Variants in CSMD1 observed in about 807,000 individuals in gnomAD.
CSMD1 encodes CUB and Sushi multiple domains 1.
Under a neutral mutation model 417.5 loss-of-function variants are expected in CSMD1, and 213 were observed. The observed-to-expected ratio is 0.51, with a 90% CI of 0.46 to 0.57. The LOEUF is 0.57. Ranked by LOEUF, CSMD1 falls within the 20% of genes least tolerant of loss-of-function variation. The pLI, the probability that CSMD1 is intolerant of heterozygous loss-of-function variation, is 0.00. For missense variants in CSMD1, 6,923 were observed against 4,529.7 expected (o/e 1.53, Z -15.17); for synonymous variants, 2,862 against 1,736.8 (o/e 1.65, Z -16.11).
At chr8:4,424,941 G>A (rs576069380) in intron 2 of CSMD1, among the ~76,000 whole-genome samples, 1 of 152,052 alleles carries the variant, frequency 6.6e-6, no homozygotes, top group Non-Finnish European at 1.5e-5. Context: ...GGTTGAGACT[G>A]AGAGGTACTC....
chr8:4,026,192 T>A (rs1470198861), intron 4 of CSMD1, among the ~76,000 whole-genome samples: 4 of 152,216 alleles, frequency 2.6e-5, no homozygotes, highest in African/African-American at 9.6e-5. Flanking sequence ...CATTTTTTCT[T>A]TATAATCTAG....
At chr8:3,671,047 G>GTATATGGGATATATATA (rs1231383963) in intron 7 of CSMD1, among the ~76,000 whole-genome samples, 1,631 of 121,204 alleles carry the variant, frequency 0.013, 60 homozygotes, top group African/African-American at 0.043. Context: ...GGATATATAT[G>GTATATGGGATATATATA]TATATAGGAT....
In CSMD1 at chr8:4,978,955, G is replaced by A. The variant is rs571777858; in HGVS notation, c.85+15377C>T. On this transcript the variant is annotated intron_variant, in intron 1 of 69. Transcript: ENST00000635120. Reference sequence around the variant, plus strand: ...GGAACAGTCAGCACAAAGACATTAGGATCTTTAGAAAAAATAACTCTGGAG... The same window carrying A: ...GGAACAGTCAGCACAAAGACATTAGAATCTTTAGAAAAAATAACTCTGGAG... Among the ~76,000 whole-genome samples, 3 of 152,222 alleles carry A rather than the reference G, an allele frequency of 2.0e-5. No homozygotes were observed. The South Asian group carries it at 6.2e-4, about 32-fold the overall frequency.
intron 5 of CSMD1, among the ~76,000 whole-genome samples, chr8:3,888,764 A>G (rs1806740371): frequency 1.3e-5 from 2 of 152,222 alleles, no homozygotes; most frequent in African/African-American, 4.8e-5. Context: ...GACCTTCCAA[A>G]TGGTCCTTCC....
At chr8:3,849,872 G>C (rs757392670) in intron 5 of CSMD1, among the ~76,000 whole-genome samples, 1 of 152,136 alleles carries the variant, frequency 6.6e-6, no homozygotes, top group Non-Finnish European at 1.5e-5. Flanking sequence ...CTGTAGTACA[G>C]TGGCGCAATC....
chr8:4,338,157 G>C (rs547472272), intron 3 of CSMD1, among the ~76,000 whole-genome samples: 7 of 152,222 alleles, frequency 4.6e-5, no homozygotes, highest in African/African-American at 1.7e-4. Flanking sequence ...CATGGTAGTA[G>C]AGAATTACAA....
chr8:4,417,129 T>C (rs1363765150), intron 3 of CSMD1, among the ~76,000 whole-genome samples: 3 of 152,178 alleles, frequency 2.0e-5, no homozygotes, highest in East Asian at 3.9e-4. Flanking sequence ...ATACACTTAA[T>C]TGCTGAGACT....
At chr8:3,248,759 C>T (rs1009344657) in intron 26 of CSMD1, among the ~76,000 whole-genome samples, 10 of 152,028 alleles carry the variant, frequency 6.6e-5, no homozygotes, top group African/African-American at 1.2e-4. Context: ...ATCTCTGGGC[C>T]TTTTGCAAAC....
At chr8:4,489,283 A>G (rs904154432) in intron 2 of CSMD1, among the ~76,000 whole-genome samples, 3 of 152,222 alleles carry the variant, frequency 2.0e-5, no homozygotes, top group Non-Finnish European at 4.4e-5. Flanking sequence ...GGAGCTGCAG[A>G]AAGTTCTGGG....
chr8:4,492,400 A>G (rs1278203910), intron 2 of CSMD1, among the ~76,000 whole-genome samples: 1 of 152,208 alleles, frequency 6.6e-6, no homozygotes, highest in Admixed American at 6.5e-5. Flanking sequence ...AATATCTGAC[A>G]TTCTGGAAAA....
rs939699256 is a variant in CSMD1, at chr8:4,292,429, T to C, written c.415+127524A>G. Among the ~76,000 whole-genome samples, 5 of 152,102 alleles carry C rather than the reference T, an allele frequency of 3.3e-5. No homozygotes were observed. The East Asian group carries it at 9.7e-4, about 29-fold the overall frequency. On this transcript the variant is annotated intron_variant, in intron 3 of 69. Coordinates refer to ENST00000635120, the MANE Select transcript of CSMD1 (RefSeq NM_033225.6). The stretch of plus-strand genomic sequence containing the variant: ...CACCACGCCCGGCTAATTTTTTGTG[T>C]TTTTAATACAGACGGAATTTCACCG...
In CSMD1 at chr8:3,974,908, C is replaced by G. The variant is rs1001886811; in HGVS notation, c.818+22995G>C. Among the ~76,000 whole-genome samples, 13 of 152,138 alleles carry G rather than the reference C, an allele frequency of 8.5e-5. No individual in the cohort carries two copies. In the East Asian group the frequency reaches 2.5e-3, roughly 29 times the overall value. The stretch of plus-strand genomic sequence containing the variant: ...TAAAAATAACATATATTTTTATCTA[C>G]TACAATAAAATTATCTTGATTACTT... On this transcript the variant is annotated intron_variant, in intron 5 of 69. Transcript: ENST00000635120.
At chr8:3,450,478 C>T (rs1321955359) in intron 12 of CSMD1, among the ~76,000 whole-genome samples, 1 of 151,024 alleles carries the variant, frequency 6.6e-6, no homozygotes, top group East Asian at 1.9e-4. Flanking sequence ...CACCCCACAA[C>T]AGGCCCTGGT....
intron 1 of CSMD1, among the ~76,000 whole-genome samples, chr8:4,680,086 A>G (rs1297961884): frequency 6.6e-6 from 1 of 152,226 alleles, no homozygotes; most frequent in East Asian, 1.9e-4. Context: ...TGATTTAAAT[A>G]TATTTCACAA....
intron 7 of CSMD1, among the ~76,000 whole-genome samples, chr8:3,698,919 C>T (rs918729139): frequency 6.6e-6 from 1 of 152,196 alleles, no homozygotes; most frequent in Non-Finnish European, 1.5e-5. Flanking sequence ...CATGTCACAA[C>T]TTCCATTCTG....
intron 3 of CSMD1, among the ~76,000 whole-genome samples, chr8:4,190,247 C>A (rs181820450): frequency 1.5e-5 from 2 of 133,242 alleles, no homozygotes; most frequent in African/African-American, 2.9e-5. Context: ...CAACAAACTC[C>A]GTCTCCAAAA....
chr8:3,516,419 T>C (rs902381370), intron 10 of CSMD1, among the ~76,000 whole-genome samples: 1 of 152,134 alleles, frequency 6.6e-6, no homozygotes, highest in Non-Finnish European at 1.5e-5. Flanking sequence ...GCAGACTAGT[T>C]TTCAAAATCG....
rs543137226 is a variant in CSMD1, at chr8:3,983,411, T to C, written c.818+14492A>G. Among the ~76,000 whole-genome samples the C allele has an allele frequency of 9.9e-5, 15 of 152,040 alleles. No homozygotes were observed. The East Asian group carries it at 2.9e-3, about 30-fold the overall frequency. The stretch of plus-strand genomic sequence containing the variant: ...TCCCAAATTGCTGGGATTACAGGCG[T>C]GAGCCACCGCGCCCGGCCGCAGCCT... On this transcript the variant is annotated intron_variant, in intron 5 of 69. Transcript: ENST00000635120.
chr8:4,259,183 T>C (rs1166523794), intron 3 of CSMD1, among the ~76,000 whole-genome samples: 1 of 152,182 alleles, frequency 6.6e-6, no homozygotes, highest in Non-Finnish European at 1.5e-5. Context: ...CCATGCACTC[T>C]AGAAGTCACT....
Sources: gnomAD v4.1 joint callset for allele counts (sites outside exome capture counted in the v4.1 genomes callset) on GRCh38, gnomAD v4.1.1 for gene constraint, MANE v1.5 for transcripts, NCBI Gene and HGNC (gene_info 2026-07-23, HGNC 2026-07-21) for gene names.